Variants in USP30 observed in about 807,000 individuals in gnomAD.
USP30 encodes the protein ubiquitin carboxyl-terminal hydrolase 30.
A neutral mutation model predicts 68.2 loss-of-function variants in USP30; 41 were observed. That is an observed-to-expected ratio of 0.60 (90% CI 0.47 to 0.78). The LOEUF (loss-of-function observed/expected upper bound fraction) is 0.78. Among genes scored for constraint, USP30 ranks in the 30% least tolerant of loss-of-function variants. The probability of loss-of-function intolerance (pLI) is 0.00; values close to 1 mark genes in which losing one functional copy is unlikely to be tolerated. For synonymous variants in USP30, 229 were observed against 253.7 expected (o/e 0.90, Z 0.93); for missense variants, 522 against 649.4 (o/e 0.80, Z 2.13).
At chr12:109,066,081 G>A (rs913080771) in intron 3 of USP30, among the ~76,000 whole-genome samples, 1 of 151,840 alleles carries the variant, frequency 6.6e-6, no homozygotes. Flanking sequence ...GTGAAACTCT[G>A]TCACTACAAA....
At chr12:109,079,899 G>A (rs76866293) in intron 7 of USP30, among the ~76,000 whole-genome samples, 2,867 of 152,102 alleles carry the variant, frequency 0.019, 50 homozygotes, top group Non-Finnish European at 0.03. Flanking sequence ...TTTATGTTTG[G>A]TAATTTTTTA....
At chr12:109,054,996 T>C (rs1047627132) in intron 1 of USP30, among the ~76,000 whole-genome samples, 1 of 152,112 alleles carries the variant, frequency 6.6e-6, no homozygotes, top group African/African-American at 2.4e-5. Flanking sequence ...ATGATCCAAA[T>C]ACTGGGATAA....
At chr12:109,072,644 C>T (rs776860484) in intron 6 of USP30, among the ~76,000 whole-genome samples, 3 of 152,220 alleles carry the variant, frequency 2.0e-5, no homozygotes, top group Admixed American at 2.0e-4. Flanking sequence ...CTGAATCTGT[C>T]GTGTCCTCAG....
intron 3 of USP30, among the ~76,000 whole-genome samples, chr12:109,040,719 A>T (rs1333842294): frequency 6.6e-6 from 1 of 152,268 alleles, no homozygotes; most frequent in East Asian, 1.9e-4. Flanking sequence ...TGCCACATGG[A>T]CCTCTCCATA....
At position 109,057,952 on chromosome 12, in the gene USP30, G is replaced by A. The variant is rs756803025; in HGVS notation, c.220G>A (p.Gly74Arg). The change falls in exon 3 of 13, where the codon GGG becomes AGG. Residue 74 changes from glycine to arginine, a missense_variant. By Grantham distance (125) the Gly-to-Arg change is moderately radical. Transcript: ENST00000257548. ...KGLVPGLVNL[G>R]NTCFMNSLLQ... The stretch of plus-strand genomic sequence containing the variant: ...GCTTGTGCCTGGCCTTGTTAATTTA[G>A]GGAACACCTGCTTCATGAACTCCCT... The A allele has an allele frequency of 3.8e-5, 62 of 1,613,642 alleles. No individual in the cohort carries two copies. Among genetic ancestry groups the A allele is most frequent in the Non-Finnish European group, 5.1e-5 (60 of 1,179,810 alleles).
chr12:109,064,312 T>C (rs1164012611), intron 3 of USP30, among the ~76,000 whole-genome samples: 1 of 152,230 alleles, frequency 6.6e-6, no homozygotes, highest in Non-Finnish European at 1.5e-5. Context: ...TTGCCCAGAC[T>C]GGAGTGCAGT....
At chr12:109,077,588 T>C (rs2041649311) in intron 7 of USP30, among the ~76,000 whole-genome samples, 1 of 152,222 alleles carries the variant, frequency 6.6e-6, no homozygotes. Flanking sequence ...GGTCTTGCTT[T>C]TTTAACTAGC....
intron 7 of USP30, among the ~76,000 whole-genome samples, chr12:109,073,779 G>C (rs190813221): frequency 6.6e-6 from 1 of 152,268 alleles, no homozygotes; most frequent in Admixed American, 6.5e-5. Context: ...CAGTGGTTGA[G>C]TCTATGCTCA....
intron 6 of USP30, among the ~76,000 whole-genome samples, chr12:109,072,714 G>A (rs2041483665): frequency 6.6e-6 from 1 of 152,152 alleles, no homozygotes; most frequent in Non-Finnish European, 1.5e-5. Context: ...GGAGGAAATT[G>A]TTGTTTTCTT....
intron 3 of USP30, among the ~76,000 whole-genome samples, chr12:109,059,030 G>A (rs192494353): frequency 5.3e-5 from 8 of 152,118 alleles, no homozygotes; most frequent in Admixed American, 3.3e-4. Context: ...CTGGGAGTCC[G>A]CCTTATGAAA....
At chr12:109,050,631 A>C (rs2040651816), upstream of USP30, among the ~76,000 whole-genome samples, 1 of 152,176 alleles carries the variant, frequency 6.6e-6, no homozygotes, top group African/African-American at 2.4e-5. Flanking sequence ...GTGCTGTCCA[A>C]TACGGTAGCT....
rs1280609128 is a variant in USP30, at chr12:109,055,398, ATATTTTTTTTT to A, written c.84-1282_84-1272del. Among the ~76,000 whole-genome samples the A allele has an allele frequency of 1.2e-3, 35 of 30,354 alleles. 1 individual carries two copies. The highest frequency in any genetic ancestry group is 2.9e-3 in the African/African-American group (30 of 10,380). The allele number at this position is 30,354 out of a possible 152,430, so 19.9% of individuals were successfully genotyped here. A position where few individuals can be genotyped will look rare whatever the true frequency, so the allele number is the denominator to read the frequency against. On this transcript the variant is annotated intron_variant, in intron 1 of 12. Coordinates refer to ENST00000257548, the MANE Select transcript of USP30 (RefSeq NM_032663.5). The stretch of plus-strand genomic sequence containing the variant: ...TATATACATATATATATATATATAT[ATATTTTTTTTT>A]TTTTTTTTTTTGAGGCAGAGTCTCG...
intron 9 of USP30, 86 bp downstream of exon 9, chr12:109,082,105 T>G: frequency 7.0e-7 from 1 of 1,422,466 alleles, no homozygotes; most frequent in Non-Finnish European, 9.9e-7. Context: ...TGAGCTCTTC[T>G]GACTGTATCC....
intron 3 of USP30, among the ~76,000 whole-genome samples, chr12:109,031,449 A>C (rs1433314): frequency 0.23 from 35,231 of 152,218 alleles, 4,283 homozygotes; most frequent in Middle Eastern, 0.35. Context: ...TTTCTTTAAA[A>C]GTTAAACATA....
chr12:109,058,317 TC>T (rs2040942706), intron 3 of USP30, among the ~76,000 whole-genome samples: 1 of 152,148 alleles, frequency 6.6e-6, no homozygotes, highest in African/African-American at 2.4e-5. Flanking sequence ...ATGCCTGTAA[TC>T]CCAGTACTTT....
intron 1 of USP30, among the ~76,000 whole-genome samples, chr12:109,055,371 TATATATAC>T: frequency 1.6e-5 from 1 of 62,220 alleles, no homozygotes; most frequent in Non-Finnish European, 3.2e-5. Context: ...CACACACACA[TATATATAC>T]ATATATATAT....
intron 3 of USP30, among the ~76,000 whole-genome samples, chr12:109,061,393 TAAA>T (rs57688181): frequency 1.0e-4 from 14 of 138,912 alleles, no homozygotes; most frequent in African/African-American, 3.2e-4. Flanking sequence ...AACTTTGGTT[TAAA>T]AAAAAAAAAA....
intron 1 of USP30, among the ~76,000 whole-genome samples, chr12:109,055,367 C>CATATATAT (rs1394528255): frequency 3.3e-5 from 3 of 92,306 alleles, no homozygotes; most frequent in South Asian, 3.7e-4. Flanking sequence ...TATACACACA[C>CATATATAT]ACATATATAT....
At chr12:109,063,450 C>T (rs948081039) in intron 3 of USP30, among the ~76,000 whole-genome samples, 12 of 152,228 alleles carry the variant, frequency 7.9e-5, no homozygotes, top group Admixed American at 2.0e-4. Context: ...TTGTTTGTCC[C>T]TCTGTCAGTC....
Sources: gnomAD v4.1 joint callset for allele counts (sites outside exome capture counted in the v4.1 genomes callset) on GRCh38, gnomAD v4.1.1 for gene constraint, MANE v1.5 for transcripts, NCBI Gene and HGNC (gene_info 2026-07-23, HGNC 2026-07-21) for gene names.